The following SHROOM2 variants were observed in gnomAD, a reference collection of about 807,000 sequenced individuals.
SHROOM2 encodes shroom family member 2.
In SHROOM2, 33 loss-of-function variants were observed where a neutral mutation model predicts 75.9. The ratio of observed to expected loss-of-function variants is 0.43; its 90% CI spans 0.33 to 0.58. SHROOM2 has a LOEUF of 0.58. Among genes scored for constraint, SHROOM2 ranks in the 20% least tolerant of loss-of-function variants. The pLI is 0.04. For synonymous variants in SHROOM2, 655 were observed against 663.6 expected (o/e 0.99, Z 0.20); for missense variants, 1,434 against 1,461.2 (o/e 0.98, Z 0.30).
At chrX:9,810,755 C>T (rs1230013203) in intron 1 of SHROOM2, among the ~76,000 whole-genome samples, 5 of 110,487 alleles carry the variant, frequency 4.5e-5, no homozygotes, top group South Asian at 3.9e-4. Context: ...ATATATTGGG[C>T]GCTGATTCAG....
At position 9,932,492 on chromosome X, in the gene SHROOM2, G is replaced by A. The variant is rs142493970; in HGVS notation, c.3209G>A (p.Arg1070His). ...CCACAGAGGCCACCGCCACCCAAGC[G>A]CGAGCCCAGGAGATACAGGGCCACA... The part of the protein sequence containing the change: ...PAPQRPPPPK[R>H]EPRRYRATDG... Residue 1070 changes from arginine (R) to histidine (H), a missense_variant, in exon 6 of 10, where the codon CGC becomes CAC. Coordinates refer to ENST00000380913, the MANE Select transcript of SHROOM2 (RefSeq NM_001649.4). 79 of 1,206,798 alleles carry A rather than the reference G, an allele frequency of 6.5e-5. No homozygotes were observed. Among genetic ancestry groups the A allele is most frequent in the African/African-American group, 4.0e-4 (23 of 57,322 alleles).
chrX:9,827,223 C>CTTTCTTTT (rs1555924843), intron 1 of SHROOM2, among the ~76,000 whole-genome samples: 2 of 60,132 alleles, frequency 3.3e-5, no homozygotes, highest in African/African-American at 7.5e-5. Flanking sequence ...TTTTCTTTTT[C>CTTTCTTTT]TTTTTTTTTT....
chrX:9,797,193 G>A (rs2083699401), intron 1 of SHROOM2, among the ~76,000 whole-genome samples: 1 of 112,073 alleles, frequency 8.9e-6, no homozygotes, highest in African/African-American at 3.2e-5. Flanking sequence ...GTGGCCTCCT[G>A]ACGCTTCTAC....
At chrX:9,805,852 T>G (rs1247947467) in intron 1 of SHROOM2, among the ~76,000 whole-genome samples, 20 of 104,565 alleles carry the variant, frequency 1.9e-4, no homozygotes, top group African/African-American at 7.0e-4. Context: ...TGCAGTGAGC[T>G]GAGATCACGC....
chrX:9,902,355 A>T lies in SHROOM2; in HGVS notation c.2891+4065A>T, dbSNP rs142424094. ...CATGGGTGCATGGATGGATGGAGGC[A>T]TGGGAAGGTGGATGGATGAGTGAAT... On this transcript the variant is annotated intron_variant, in intron 5 of 9. Coordinates refer to ENST00000380913, the MANE Select transcript of SHROOM2 (RefSeq NM_001649.4). Among the ~76,000 whole-genome samples the T allele has an allele frequency of 6.4e-3, 708 of 111,103 alleles. 9 individuals carry two copies. The highest frequency in any genetic ancestry group is 0.022 in the African/African-American group (657 of 30,491).
chrX:9,811,912 C>G (rs919424651), intron 1 of SHROOM2, among the ~76,000 whole-genome samples: 8 of 111,438 alleles, frequency 7.2e-5, no homozygotes, highest in African/African-American at 2.6e-4. Flanking sequence ...CCTCATGTAA[C>G]TTACTTGTGC....
intron 3 of SHROOM2, among the ~76,000 whole-genome samples, chrX:9,892,918 T>C (rs889534802): frequency 1.5e-4 from 17 of 112,216 alleles, no homozygotes; most frequent in Non-Finnish European, 1.3e-4. Context: ...AGTTTCACCA[T>C]TGAGAGCTCT....
chrX:9,926,924 G>A (rs900321094), intron 5 of SHROOM2, among the ~76,000 whole-genome samples: 2 of 110,600 alleles, frequency 1.8e-5, no homozygotes, highest in African/African-American at 6.6e-5. Context: ...CAAGCATTTC[G>A]GAAGAGAGAT....
chrX:9,937,023 G>A (rs1302023588), intron 6 of SHROOM2, 111 bp from the exon 7 acceptor site: 71 of 798,094 alleles, frequency 8.9e-5, no homozygotes, highest in Non-Finnish European at 1.3e-4. Context: ...TGGGTGGCTG[G>A]CTAGTGCCTT....
intron 1 of SHROOM2, among the ~76,000 whole-genome samples, chrX:9,845,227 A>G (rs765213310): frequency 8.9e-6 from 1 of 112,657 alleles, no homozygotes; most frequent in East Asian, 2.8e-4. Context: ...GCAGAAGTGT[A>G]TACTGCCAGG....
chrX:9,871,706 T>A (rs1490397427), intron 1 of SHROOM2, among the ~76,000 whole-genome samples: 1 of 112,164 alleles, frequency 8.9e-6, no homozygotes, highest in Non-Finnish European at 1.9e-5. Flanking sequence ...TGTCCTCAGA[T>A]CTAGGTGGAG....
intron 1 of SHROOM2, among the ~76,000 whole-genome samples, chrX:9,807,395 G>A (rs1426083879): frequency 8.9e-6 from 1 of 112,222 alleles, no homozygotes; most frequent in Non-Finnish European, 1.9e-5. Flanking sequence ...GTTGCACAGG[G>A]GGCTGTTTCC....
At position 9,946,853 on chromosome X, in the gene SHROOM2, G is replaced by T; in HGVS notation, c.4767G>T (p.Gln1589His). 8.3e-7 allele frequency: 1 copy of T among 1,198,812 alleles called. No individual in the cohort carries two copies. The highest frequency in any genetic ancestry group is 1.1e-6 in the Non-Finnish European group (1 of 888,532). ...VKMKSALIIE[Q>H]RELEDKIHLG... is the part of the protein sequence containing the mutation. Reference sequence around the variant, plus strand: ...TGAAGTCGGCCCTCATCATCGAGCAGCGGGAGCTGGAAGATAAAATCCACC... The same window carrying T: ...TGAAGTCGGCCCTCATCATCGAGCATCGGGAGCTGGAAGATAAAATCCACC... The change falls in exon 10 of 10, where the codon CAG becomes CAT. Residue 1589 changes from glutamine (Q) to histidine (H), a missense_variant. This residue lies in a region of SHROOM2 where 80 missense variants were observed against 88.4 expected (regional missense o/e 0.90). Transcript: ENST00000380913.
chrX:9,897,403 A>G (rs996525272), intron 4 of SHROOM2, among the ~76,000 whole-genome samples: 4 of 110,395 alleles, frequency 3.6e-5, no homozygotes, highest in African/African-American at 1.3e-4. Context: ...AAAATGTTCC[A>G]CAATGATAGA....
At chrX:9,838,354 C>A (rs1395335161) in intron 1 of SHROOM2, among the ~76,000 whole-genome samples, 1 of 110,803 alleles carries the variant, frequency 9.0e-6, no homozygotes, top group Admixed American at 9.7e-5. Flanking sequence ...GCCACCGCAC[C>A]CGGCCTTAAA....
chrX:9,849,003 G>C (rs1421335167), intron 1 of SHROOM2, among the ~76,000 whole-genome samples: 1 of 111,948 alleles, frequency 8.9e-6, no homozygotes, highest in African/African-American at 3.2e-5. Flanking sequence ...CATCCTCCAG[G>C]AGTTAACAGT....
At chrX:9,856,677 A>G (rs143895076) in intron 1 of SHROOM2, among the ~76,000 whole-genome samples, 1,961 of 111,503 alleles carry the variant, frequency 0.018, 46 homozygotes, top group African/African-American at 0.06. Context: ...GGGCACCCCT[A>G]CTTCTGGGCA....
Position 9,946,976 on chromosome X carries a change from G to A in SHROOM2, c.*39G>A, listed in dbSNP as rs139494419. ...GGTGGAGGAGGGGCACGGGGCCTCC[G>A]AGCTCCAGCTCCGTTCCCAAGGATA... is the stretch of plus-strand genomic sequence containing the variant. On this transcript the variant is annotated 3_prime_UTR_variant, in exon 10 of 10. Coordinates refer to ENST00000380913, the MANE Select transcript of SHROOM2 (RefSeq NM_001649.4). 1,640 of 1,145,096 alleles carry A rather than the reference G, an allele frequency of 1.4e-3. 17 individuals are homozygous for A. In the African/African-American group the frequency reaches 0.026, roughly 18 times the overall value. The allele number at this position is 1,145,096 out of a possible 1,213,427, so 94.4% of individuals were successfully genotyped here. A position where few individuals can be genotyped will look rare whatever the true frequency, so the allele number is the denominator to read the frequency against.
chrX:9,857,717 G>A (rs754061256), intron 1 of SHROOM2, among the ~76,000 whole-genome samples: 140 of 111,350 alleles, frequency 1.3e-3, no homozygotes, highest in African/African-American at 4.5e-3. Context: ...AAAGCAAAAA[G>A]ATTGTGAACA....
Sources: allele counts gnomAD v4.1 joint callset (sites outside exome capture counted in the v4.1 genomes callset), GRCh38; gene constraint gnomAD v4.1.1; regional missense constraint gnomAD v4.1.1; transcripts MANE v1.5; gene names NCBI Gene and HGNC (gene_info 2026-07-23, HGNC 2026-07-21).